CFAP44: variants seen among roughly 807,000 people sequenced by gnomAD.
The protein encoded by CFAP44 is cilia and flagella associated protein 44.
In CFAP44, 134 loss-of-function variants were observed where a neutral mutation model predicts 216.2. That is an observed-to-expected ratio of 0.62 (90% CI 0.54 to 0.72). The LOEUF (loss-of-function observed/expected upper bound fraction) is 0.72. CFAP44 is among the 30% of genes least tolerant of loss of function. The probability of loss-of-function intolerance (pLI) is 0.00; values close to 1 mark genes in which losing one functional copy is unlikely to be tolerated. For synonymous variants in CFAP44, 700 were observed against 727.6 expected (o/e 0.96, Z 0.61); for missense variants, 2,035 against 2,182.1 (o/e 0.93, Z 1.34).
chr3:113,320,425 G>C (rs183101994), intron 28 of CFAP44, among the ~76,000 whole-genome samples: 1 of 133,886 alleles, frequency 7.5e-6, no homozygotes, highest in East Asian at 2.1e-4. Flanking sequence ...ATATATATAT[G>C]ATATATATTG....
chr3:113,361,912 G>C (rs1950545077), intron 21 of CFAP44, among the ~76,000 whole-genome samples: 1 of 151,630 alleles, frequency 6.6e-6, no homozygotes. Flanking sequence ...CAACAGAAAG[G>C]GTTTCTAATT....
chr3:113,338,019 T>C (rs1950295274), intron 24 of CFAP44, among the ~76,000 whole-genome samples: 1 of 151,828 alleles, frequency 6.6e-6, no homozygotes, highest in African/African-American at 2.4e-5. Context: ...TCCCAGCACT[T>C]TGGGAGGCCA....
chr3:113,439,605 C>T (rs1291820415), intron 1 of CFAP44, among the ~76,000 whole-genome samples: 7 of 152,132 alleles, frequency 4.6e-5, no homozygotes, highest in Admixed American at 4.6e-4. Flanking sequence ...GCCTTACTCC[C>T]GAATAAACAT....
At chr3:113,317,551 T>C (rs1950100374) in intron 28 of CFAP44, among the ~76,000 whole-genome samples, 1 of 152,208 alleles carries the variant, frequency 6.6e-6, no homozygotes, top group African/African-American at 2.4e-5. Flanking sequence ...AGTAGTTTCC[T>C]GGCAACCACG....
chr3:113,329,014 A>G lies in CFAP44; in HGVS notation c.4116+1154T>C, dbSNP rs577811907. 7.9e-5 allele frequency among the ~76,000 whole-genome samples: 12 copies of G among 152,324 alleles called. No individual in the cohort carries two copies. In the South Asian group the frequency reaches 2.5e-3, roughly 32 times the overall value. ...AGAACATCCAATAAATATTTGCTAA[A>G]TTAATAAATTAGTTACAATTAAATC... On this transcript the variant is annotated intron_variant, in intron 26 of 34. Transcript: ENST00000393845.
In CFAP44 at chr3:113,289,074, C is replaced by T. The variant is rs1450127685; in HGVS notation, c.*2483G>A. On this transcript the variant is annotated 3_prime_UTR_variant, in exon 35 of 35. Coordinates refer to ENST00000393845, the MANE Select transcript of CFAP44 (RefSeq NM_001164496.2). ...AGGAGCAGGATAGCTTCCCAGCCAC[C>T]CTGCCCATGCCACACCCTGCTGGTC... is the stretch of plus-strand genomic sequence containing the variant. The T allele has an allele frequency of 2.0e-5, 3 of 152,156 alleles. No individual in the cohort carries two copies. Among genetic ancestry groups the T allele is most frequent in the African/African-American group, 7.2e-5 (3 of 41,448 alleles). 9.4% of individuals were successfully genotyped at this position (152,156 alleles called of 1,614,324 possible). A position where few individuals can be genotyped will look rare whatever the true frequency, so the allele number is the denominator to read the frequency against.
intron 32 of CFAP44, among the ~76,000 whole-genome samples, chr3:113,302,457 TAAAAAAAAAAAAAAAAA>T (rs60866565): frequency 1.3e-5 from 1 of 75,812 alleles, no homozygotes; most frequent in Admixed American, 1.6e-4. Flanking sequence ...CTAGACAAAG[TAAAAAAAAAAAAAAAAA>T]AAAAAAGATA....
chr3:113,335,300 A>C (rs1950272492), intron 24 of CFAP44, among the ~76,000 whole-genome samples: 1 of 152,240 alleles, frequency 6.6e-6, no homozygotes. Flanking sequence ...CGCAGAGAGG[A>C]AATTACCAGC....
rs140218323 is a variant in CFAP44, at chr3:113,401,739, T to C, written c.1171A>G (p.Ile391Val). 86 of 1,594,894 alleles carry C rather than the reference T, an allele frequency of 5.4e-5. No homozygotes were observed. Among genetic ancestry groups the C allele is most frequent in the Non-Finnish European group, 6.8e-5 (80 of 1,172,760 alleles). ...ITVGSDGYVR[I>V]WDFETIDTAD... ...GTGTCTATTGTCTCAAAATCCCATA[T>C]CTTGTAAAATGAAAAGAAAATACTT... is the stretch of plus-strand genomic sequence containing the variant. Residue 391 changes from isoleucine (I) to valine (V), a missense_variant and splice_region_variant, in exon 10 of 35, where the codon ATA becomes GTA. Ile to Val is a conservative substitution (Grantham distance 29, BLOSUM62 3). Around this residue, in one of 3 missense-constraint regions of CFAP44, gnomAD observed 1,883 missense variants for 2,023.7 expected, o/e 0.93. Transcript: ENST00000393845.
intron 22 of CFAP44, among the ~76,000 whole-genome samples, chr3:113,355,511 C>T (rs1254605114): frequency 1.3e-5 from 2 of 152,184 alleles, no homozygotes; most frequent in South Asian, 2.1e-4. Context: ...CAGAGTGAGA[C>T]TCCATCCATG....
chr3:113,326,565 C>G lies in CFAP44; in HGVS notation c.4396G>C (p.Ala1466Pro), dbSNP rs1280455537. The part of the protein sequence containing the change: ...EITKLQEQEK[A>P]LYAGFQAAIG... ...GCTGCTTGAAAACCAGCATAGAGTG[C>G]CTTTTCTTGCTCCTGGAGTTTGGTG... The change falls in exon 28 of 35, where the codon GCA (alanine) becomes CCA (proline). Residue 1466 changes from alanine to proline, a missense_variant. Physicochemically the swap from Ala to Pro is conservative, Grantham distance 27. Around this residue, in one of 3 missense-constraint regions of CFAP44, gnomAD observed 1,883 missense variants for 2,023.7 expected, o/e 0.93. Coordinates refer to ENST00000393845, the MANE Select transcript of CFAP44 (RefSeq NM_001164496.2). 5 of 1,532,876 alleles carry G rather than the reference C, an allele frequency of 3.3e-6. No homozygotes were observed. In the African/African-American group the frequency reaches 6.9e-5, roughly 21 times the overall value. The allele number at this position is 1,532,876 out of a possible 1,614,324, so 95.0% of individuals were successfully genotyped here.
chr3:113,309,344 C>G (rs1297099626), intron 28 of CFAP44, among the ~76,000 whole-genome samples: 2 of 152,176 alleles, frequency 1.3e-5, no homozygotes, highest in African/African-American at 4.8e-5. Flanking sequence ...AATTTTCTGT[C>G]CACTGACGCC....
Position 113,333,582 on chromosome 3 carries a change from A to G in CFAP44, c.3439T>C (p.Tyr1147His). ...QQRKKEWEEL[Y>H]KSKPGDDYED... ...TAGTCATCACCAGGTTTACTCTTGT[A>G]TCTATTAGAAAAACAGACAACCCCC... The change falls in exon 25 of 35, where the codon TAC (tyrosine) becomes CAC (histidine). Residue 1147 changes from tyrosine to histidine, a missense_variant and splice_region_variant. Physicochemically the swap from Tyr to His is moderately conservative, Grantham distance 83. This residue lies in a region of CFAP44 where 1,883 missense variants were observed against 2,023.7 expected (regional missense o/e 0.93). Coordinates refer to ENST00000393845, the MANE Select transcript of CFAP44 (RefSeq NM_001164496.2). 6.6e-7 allele frequency: 1 copy of G among 1,514,114 alleles called. No individual in the cohort carries two copies. Among genetic ancestry groups the G allele is most frequent in the Non-Finnish European group, 8.8e-7 (1 of 1,137,578 alleles). 93.8% of individuals were successfully genotyped at this position (1,514,114 alleles called of 1,614,324 possible).
intron 24 of CFAP44, among the ~76,000 whole-genome samples, chr3:113,334,229 T>G (rs2107813726): frequency 6.6e-6 from 1 of 152,300 alleles, no homozygotes; most frequent in South Asian, 2.1e-4. Context: ...GGATTATAGG[T>G]GTGAGCCATC....
At chr3:113,429,390 A>C (rs962964418) in intron 2 of CFAP44, among the ~76,000 whole-genome samples, 1 of 151,864 alleles carries the variant, frequency 6.6e-6, no homozygotes, top group African/African-American at 2.4e-5. Context: ...CACTGGTAGT[A>C]CTCTTTGCCT....
intron 22 of CFAP44, among the ~76,000 whole-genome samples, chr3:113,346,464 G>A (rs1328810955): frequency 6.6e-6 from 1 of 151,956 alleles, no homozygotes; most frequent in East Asian, 1.9e-4. Context: ...CTAAAGGATT[G>A]TAAGCACACC....
At position 113,322,436 on chromosome 3, in the gene CFAP44, C is replaced by T. The variant is rs551518162; in HGVS notation, c.4516+4009G>A. 1.2e-4 allele frequency among the ~76,000 whole-genome samples: 19 copies of T among 152,198 alleles called. No homozygotes were observed. The East Asian group carries it at 3.5e-3, about 28-fold the overall frequency. Reference sequence around the variant, plus strand: ...TTAAACAATGGGCAAAGGACATGAACATACACTTCTCAAAAGATTACCTAC... The same window carrying T: ...TTAAACAATGGGCAAAGGACATGAATATACACTTCTCAAAAGATTACCTAC... On this transcript the variant is annotated intron_variant, in intron 28 of 34. Coordinates refer to ENST00000393845, the MANE Select transcript of CFAP44 (RefSeq NM_001164496.2).
chr3:113,364,309 T>C (rs567772528), intron 19 of CFAP44, among the ~76,000 whole-genome samples: 1 of 152,244 alleles, frequency 6.6e-6, no homozygotes, highest in South Asian at 2.1e-4. Flanking sequence ...AGAAGATAGG[T>C]CTCTGTTTTG....
At chr3:113,296,906 G>C in intron 32 of CFAP44, 21 bp from the exon 33 acceptor site, 1 of 1,537,192 alleles carries the variant, frequency 6.5e-7, no homozygotes, top group South Asian at 1.2e-5. Flanking sequence ...ACAGTCACTG[G>C]CTCAGGTTGT....
Sources: allele counts gnomAD v4.1 joint callset (sites outside exome capture counted in the v4.1 genomes callset), GRCh38; gene constraint gnomAD v4.1.1; regional missense constraint gnomAD v4.1.1; transcripts MANE v1.5; gene names NCBI Gene and HGNC (gene_info 2026-07-23, HGNC 2026-07-21).